DPY19L2: variants seen among roughly 807,000 people sequenced by gnomAD.
DPY19L2 encodes probable C-mannosyltransferase DPY19L2.
In DPY19L2, 34 loss-of-function variants were observed where a neutral mutation model predicts 97.9. The observed-to-expected ratio is 0.35, with a 90% CI of 0.26 to 0.46. The LOEUF (loss-of-function observed/expected upper bound fraction) is 0.46, where lower values mean the gene tolerates loss of function less well. Among genes scored for constraint, DPY19L2 ranks in the 20% least tolerant of loss-of-function variants. The probability of loss-of-function intolerance (pLI) is 1.00; values close to 1 mark genes in which losing one functional copy is unlikely to be tolerated. For missense variants in DPY19L2, 623 were observed against 911.4 expected (o/e 0.68, Z 4.07); for synonymous variants, 230 against 307.9 (o/e 0.75, Z 2.65).
rs1317172084 is a variant in DPY19L2 at position 63,584,102 on chromosome 12, T to C, written c.1581-266A>G. On this transcript the variant is annotated intron_variant, in intron 16 of 21. Transcript: ENST00000324472. ...AATAGATTTTACAGATCCCTAGAGA[T>C]TGTACCTCTCATTAATAAATGAATA... The C allele has an allele frequency of 2.7e-5, 10 of 370,492 alleles. 1 individual carries two copies. The highest frequency in any genetic ancestry group is 4.4e-5 in the Non-Finnish European group (9 of 202,518). The allele number at this position is 370,492 out of a possible 1,614,324, so 23.0% of individuals were successfully genotyped here.
In DPY19L2 at chr12:63,668,312, C is replaced by A. The variant is rs1401595687; in HGVS notation, c.82G>T (p.Ala28Ser). Residue 28 changes from alanine to serine, a missense_variant, in exon 1 of 22, where the codon GCC becomes TCC. Transcript: ENST00000324472. ...TCCTCCTCTACCTCCGGCTCCCGGG[C>A]GAGGGAGGCCCCGCGCCGCCCCTTA... ...QSKGRRGASL[A>S]REPEVEEEME... 4.3e-6 allele frequency: 7 copies of A among 1,613,908 alleles called. No homozygotes were observed. The highest frequency in any genetic ancestry group is 1.7e-5 in the Admixed American group (1 of 60,018).
At chr12:63,608,319 A>G (rs1385327341) in intron 12 of DPY19L2, among the ~76,000 whole-genome samples, 2 of 152,186 alleles carry the variant, frequency 1.3e-5, no homozygotes, top group Non-Finnish European at 2.9e-5. Flanking sequence ...AGAGAAACTC[A>G]AGACAAACAA....
At chr12:63,635,399 T>C (rs1021527543) in intron 6 of DPY19L2, among the ~76,000 whole-genome samples, 1 of 152,056 alleles carries the variant, frequency 6.6e-6, no homozygotes, top group African/African-American at 2.4e-5. Flanking sequence ...GGAGCATAGC[T>C]CCTTGCCAGC....
At chr12:63,600,981 T>G (rs2082860981) in intron 12 of DPY19L2, among the ~76,000 whole-genome samples, 1 of 152,118 alleles carries the variant, frequency 6.6e-6, no homozygotes, top group Admixed American at 6.5e-5. Flanking sequence ...GAGACGGGGT[T>G]TCACCGTGTT....
chr12:63,560,347 A>G lies in DPY19L2; in HGVS notation c.*165T>C, dbSNP rs1398586967. Reference sequence around the variant, plus strand: ...AATAAGGCTGACATTCAATGAACAGAAAAGTAATTTACCTTTTAGTAATCA... The same window carrying G: ...AATAAGGCTGACATTCAATGAACAGGAAAGTAATTTACCTTTTAGTAATCA... On this transcript the variant is annotated 3_prime_UTR_variant, in exon 22 of 22. Transcript: ENST00000324472. The G allele has an allele frequency of 1.2e-6, 1 of 807,730 alleles. No homozygotes were observed. Among genetic ancestry groups the G allele is most frequent in the Non-Finnish European group, 1.8e-6 (1 of 550,622 alleles). The allele number at this position is 807,730 out of a possible 1,614,324, so 50.0% of individuals were successfully genotyped here. A position where few individuals can be genotyped will look rare whatever the true frequency, so the allele number is the denominator to read the frequency against.
intron 21 of DPY19L2, among the ~76,000 whole-genome samples, chr12:63,568,351 A>G (rs1237935872): frequency 3.9e-5 from 6 of 151,900 alleles, no homozygotes; most frequent in African/African-American, 1.5e-4. Flanking sequence ...GAGTGTTTCT[A>G]TTTCTCTGCT....
intron 6 of DPY19L2, among the ~76,000 whole-genome samples, chr12:63,626,940 G>A (rs1049797183): frequency 1.6e-4 from 24 of 152,096 alleles, no homozygotes; most frequent in African/African-American, 4.8e-4. Flanking sequence ...TGCCACACCC[G>A]GCTAATTTTT....
At chr12:63,632,228 G>C (rs1890822798) in intron 6 of DPY19L2, among the ~76,000 whole-genome samples, 1 of 152,122 alleles carries the variant, frequency 6.6e-6, no homozygotes, top group Non-Finnish European at 1.5e-5. Flanking sequence ...AATCAGGCAG[G>C]AGAAGGAAAT....
At position 63,580,484 on chromosome 12, in the gene DPY19L2, TTTAA is replaced by T. The variant is rs1362943013; in HGVS notation, c.1900+174_1900+177del. Among the ~76,000 whole-genome samples, 6 of 152,100 alleles carry T rather than the reference TTTAA, an allele frequency of 3.9e-5. No homozygotes were observed. The East Asian group carries it at 5.8e-4, about 15-fold the overall frequency. ...GGTGCAAAATTGCCTTTTGGAAGGG[TTTAA>T]TTGATTGACATTGCAATAGTCTGCT... On this transcript the variant is annotated intron_variant, in intron 19 of 21. Transcript: ENST00000324472.
chr12:63,583,344 T>C (rs1342879120), intron 17 of DPY19L2, among the ~76,000 whole-genome samples: 1 of 152,202 alleles, frequency 6.6e-6, no homozygotes, highest in Non-Finnish European at 1.5e-5. Flanking sequence ...TTACACCATA[T>C]AAAATGTTGT....
intron 12 of DPY19L2, among the ~76,000 whole-genome samples, chr12:63,601,334 G>GT (rs1885155708): frequency 1.3e-5 from 2 of 151,348 alleles, no homozygotes; most frequent in Non-Finnish European, 2.9e-5. Context: ...TGAGGCTTCT[G>GT]TGTTGTTGTT....
chr12:63,582,537 A>T lies in DPY19L2; in HGVS notation c.1606-12T>A, dbSNP rs1351851284. 1 of 1,601,680 alleles carries T rather than the reference A, an allele frequency of 6.2e-7. No individual in the cohort carries two copies. The highest frequency in any genetic ancestry group is 1.1e-5 in the South Asian group (1 of 87,728). On this transcript the variant is annotated splice_polypyrimidine_tract_variant and intron_variant, in intron 17 of 21. Coordinates refer to ENST00000324472, the MANE Select transcript of DPY19L2 (RefSeq NM_173812.5). ...GTGTGAAAAGCCAGCTATAAAACAC[A>T]AATAAGACAAAATCACATTTTTACT...
At chr12:63,583,860 C>T in intron 16 of DPY19L2, 24 bp from the exon 17 acceptor site, 1 of 1,600,694 alleles carries the variant, frequency 6.2e-7, no homozygotes, top group East Asian at 2.2e-5. Flanking sequence ...AAAATATTAC[C>T]TATTTACTGA....
At position 63,634,465 on chromosome 12, in the gene DPY19L2, C is replaced by G. The variant is rs34016610; in HGVS notation, c.804-7939G>C. Among the ~76,000 whole-genome samples, 265 of 152,050 alleles carry G rather than the reference C, an allele frequency of 1.7e-3. 2 individuals carry two copies. Among genetic ancestry groups the G allele is most frequent in the African/African-American group, 6.2e-3 (259 of 41,518 alleles). The stretch of plus-strand genomic sequence containing the variant: ...GGGCTTGTCCAATAGTGGGTGCAGC[C>G]CACGGAGCAGGGTGGGGCATCACCT... On this transcript the variant is annotated intron_variant, in intron 6 of 21. Coordinates refer to ENST00000324472, the MANE Select transcript of DPY19L2 (RefSeq NM_173812.5).
In DPY19L2 at chr12:63,668,225, C is replaced by G; in HGVS notation, c.169G>C (p.Gly57Arg). The change falls in exon 1 of 22, where the codon GGG becomes CGG. Residue 57 changes from glycine to arginine, a missense_variant. Transcript: ENST00000324472. ...LPRGSWRSSPGRIQSLKERKG... is the reference protein window; with the variant it reads ...LPRGSWRSSPRRIQSLKERKG... ...CGCTCTTTCAGACTTTGGATCCTCC[C>G]CGGGGAGGACCTCCAGGAGCCCCTT... 1 of 1,613,936 alleles carries G rather than the reference C, an allele frequency of 6.2e-7. No individual in the cohort carries two copies. Among genetic ancestry groups the G allele is most frequent in the Non-Finnish European group, 8.5e-7 (1 of 1,179,930 alleles).
At chr12:63,648,197 C>A (rs1262418593) in intron 4 of DPY19L2, among the ~76,000 whole-genome samples, 3 of 152,110 alleles carry the variant, frequency 2.0e-5, no homozygotes, top group African/African-American at 4.8e-5. Flanking sequence ...TCTGCTGGCG[C>A]CTTGATCTTG....
Position 63,608,535 on chromosome 12 carries a change from T to G in DPY19L2, c.1278+81A>C, listed in dbSNP as rs540203141. 2.1e-5 allele frequency: 25 copies of G among 1,212,858 alleles called. No homozygotes were observed. In the South Asian group the frequency reaches 3.3e-4, roughly 16 times the overall value. The allele number at this position is 1,212,858 out of a possible 1,614,324, so 75.1% of individuals were successfully genotyped here. On this transcript the variant is annotated intron_variant, in intron 12 of 21. Coordinates refer to ENST00000324472, the MANE Select transcript of DPY19L2 (RefSeq NM_173812.5). ...TTATTAACTATAAATCATTAGCATT[T>G]TAAAGCATATTAACTGTGTTCAGTT...
chr12:63,579,800 G>A (rs2939858), intron 19 of DPY19L2, among the ~76,000 whole-genome samples: 2 of 151,978 alleles, frequency 1.3e-5, no homozygotes, highest in Non-Finnish European at 2.9e-5. Flanking sequence ...TATAGACCAA[G>A]TATCTTACTT....
Position 63,597,843 on chromosome 12 carries a change from G to A in DPY19L2, c.1427C>T (p.Thr476Ile), listed in dbSNP as rs748043063. 1 of 1,609,442 alleles carries A rather than the reference G, an allele frequency of 6.2e-7. No individual in the cohort carries two copies. The highest frequency in any genetic ancestry group is 8.5e-7 in the Non-Finnish European group (1 of 1,178,316). The change falls in exon 14 of 22, where the codon ACC becomes ATC. Residue 476 changes from threonine to isoleucine, a missense_variant. Coordinates refer to ENST00000324472, the MANE Select transcript of DPY19L2 (RefSeq NM_173812.5). ...CATGAAGTCAAATTCGGGAGCACAGGTATATATTAAAGTATCAAAATCTGT... is the reference window on the plus strand; with the variant it reads ...CATGAAGTCAAATTCGGGAGCACAGATATATATTAAAGTATCAAAATCTGT... ...RYTDFDTLIY[T>I]CAPEFDFMEK...
Sources: allele counts gnomAD v4.1 joint callset (sites outside exome capture counted in the v4.1 genomes callset), GRCh38; gene constraint gnomAD v4.1.1; transcripts MANE v1.5; gene names NCBI Gene and HGNC (gene_info 2026-07-23, HGNC 2026-07-21).